The following ATP13A4 variants were observed in gnomAD, a reference collection of about 807,000 sequenced individuals.
The protein encoded by ATP13A4 is ATPase 13A4.
In ATP13A4, 114 loss-of-function variants were observed where a neutral mutation model predicts 142.5. The observed-to-expected ratio is 0.80, with a 90% CI of 0.69 to 0.93. The LOEUF is 0.93. Ranked by LOEUF, ATP13A4 falls within the 40% of genes least tolerant of loss-of-function variation. The pLI is 0.00. For synonymous variants in ATP13A4, 488 were observed against 514.8 expected (o/e 0.95, Z 0.70); for missense variants, 1,392 against 1,454.0 (o/e 0.96, Z 0.69).
At chr3:193,431,459 A>T (rs1456621115) in intron 25 of ATP13A4, among the ~76,000 whole-genome samples, 1 of 152,026 alleles carries the variant, frequency 6.6e-6, no homozygotes, top group Non-Finnish European at 1.5e-5. Context: ...GCTGGTTGAG[A>T]TTACTTATGG....
rs111779611 is a variant in ATP13A4, at chr3:193,461,803, G to GT, written c.1523+958dup. On this transcript the variant is annotated intron_variant, in intron 13 of 29. Coordinates refer to ENST00000342695, the MANE Select transcript of ATP13A4 (RefSeq NM_032279.4). Reference sequence around the variant, plus strand: ...TGTTCTGATTCCACGGGAGTTCGTAGTGAGTTGAAAAAGCGGGCAGAGACG... The same window carrying GT: ...TGTTCTGATTCCACGGGAGTTCGTAGTTGAGTTGAAAAAGCGGGCAGAGACG... Among the ~76,000 whole-genome samples, 1,091 of 152,328 alleles carry GT rather than the reference G, an allele frequency of 7.2e-3. 12 individuals are homozygous for GT. The highest frequency in any genetic ancestry group is 0.025 in the African/African-American group (1,030 of 41,568).
Position 193,466,048 on chromosome 3 carries a change from G to A in ATP13A4, c.1249C>T (p.Leu417=). Residue 417 remains leucine (L), a synonymous_variant, in exon 11 of 30, where the codon CTG becomes TTG. Coordinates refer to ENST00000342695, the MANE Select transcript of ATP13A4 (RefSeq NM_032279.4). ...ACCCCACTAAGCACATAGACACACA[G>A]AGTATAGATCATCCCAATGGTGGCT... ...GTATIGMIYT[L]CVYVLSGEPP... 2.5e-6 allele frequency: 4 copies of A among 1,614,138 alleles called. No individual in the cohort carries two copies. Among genetic ancestry groups the A allele is most frequent in the Non-Finnish European group, 3.4e-6 (4 of 1,180,022 alleles).
chr3:193,511,642 CT>C (rs1410332237), intron 2 of ATP13A4, among the ~76,000 whole-genome samples: 1 of 152,176 alleles, frequency 6.6e-6, no homozygotes, highest in Non-Finnish European at 1.5e-5. Context: ...TTGCAAATGC[CT>C]TTTACATAGA....
chr3:193,430,589 T>G (rs535614203), intron 25 of ATP13A4, among the ~76,000 whole-genome samples: 1 of 152,164 alleles, frequency 6.6e-6, no homozygotes, highest in East Asian at 1.9e-4. Context: ...AGCTCAAATA[T>G]GAATAATGAA....
In ATP13A4 at chr3:193,552,805, G is replaced by C. The variant is rs556904895; in HGVS notation, c.60+1935C>G. ...ATGCAACCTTAGGGAAAGCCTGTGTGCATCAATTTCCTCATCTTTAAAGTT... is the reference window on the plus strand; with the variant it reads ...ATGCAACCTTAGGGAAAGCCTGTGTCCATCAATTTCCTCATCTTTAAAGTT... On this transcript the variant is annotated intron_variant, in intron 1 of 29. Coordinates refer to ENST00000342695, the MANE Select transcript of ATP13A4 (RefSeq NM_032279.4). 4.6e-5 allele frequency among the ~76,000 whole-genome samples: 7 copies of C among 152,320 alleles called. No homozygotes were observed. The East Asian group carries it at 1.3e-3, about 29-fold the overall frequency.
At chr3:193,428,429 T>C (rs890138374) in intron 25 of ATP13A4, among the ~76,000 whole-genome samples, 13 of 152,094 alleles carry the variant, frequency 8.5e-5, no homozygotes, top group African/African-American at 3.1e-4. Flanking sequence ...GACCCAGCCA[T>C]CCCATTACTG....
intron 3 of ATP13A4, among the ~76,000 whole-genome samples, chr3:193,493,705 T>G (rs1031893594): frequency 2.6e-5 from 4 of 152,166 alleles, no homozygotes; most frequent in African/African-American, 4.8e-5. Flanking sequence ...CACGCCTGTT[T>G]GTAGAATGAA....
rs543174309 is a variant in ATP13A4, at chr3:193,454,278, C to A, written c.1916-66G>T. The A allele has an allele frequency of 7.2e-4, 885 of 1,222,508 alleles. 5 individuals are homozygous for A. Among genetic ancestry groups the A allele is most frequent in the South Asian group, 1.7e-3 (141 of 82,100 alleles). 75.7% of individuals were successfully genotyped at this position (1,222,508 alleles called of 1,614,324 possible). A position where few individuals can be genotyped will look rare whatever the true frequency, so the allele number is the denominator to read the frequency against. On this transcript the variant is annotated intron_variant, in intron 16 of 29. Coordinates refer to ENST00000342695, the MANE Select transcript of ATP13A4 (RefSeq NM_032279.4). The stretch of plus-strand genomic sequence containing the variant: ...CTTAGGCAGTACTGGCAAAGAAATT[C>A]TTTACAAACATCCAACTTTTGCCCA...
chr3:193,540,844 A>G (rs566697666), intron 1 of ATP13A4, among the ~76,000 whole-genome samples: 10 of 152,352 alleles, frequency 6.6e-5, no homozygotes, highest in African/African-American at 2.2e-4. Context: ...TACATCAAGC[A>G]AAATACTAAT....
At chr3:193,422,835 A>G (rs1018471915) in intron 25 of ATP13A4, among the ~76,000 whole-genome samples, 3 of 149,676 alleles carry the variant, frequency 2.0e-5, no homozygotes, top group Non-Finnish European at 4.4e-5. Flanking sequence ...AACAACAACA[A>G]ACTAAACCCA....
intron 1 of ATP13A4, among the ~76,000 whole-genome samples, chr3:193,535,512 C>T (rs1186799638): frequency 6.6e-6 from 1 of 151,938 alleles, no homozygotes; most frequent in Non-Finnish European, 1.5e-5. Flanking sequence ...CACGGTATAT[C>T]AAAATTTGTG....
chr3:193,555,263 T>C, upstream of ATP13A4: 1 of 257,374 alleles, frequency 3.9e-6, no homozygotes, highest in Non-Finnish European at 7.7e-6. Flanking sequence ...AGGAATTGGG[T>C]TGAGCGGAAG....
upstream of ATP13A4, among the ~76,000 whole-genome samples, chr3:193,556,999 T>C (rs1279226591): frequency 1.3e-5 from 2 of 152,212 alleles, no homozygotes; most frequent in African/African-American, 4.8e-5. Flanking sequence ...TGTTTATCAC[T>C]GGCAATATTT....
intron 2 of ATP13A4, among the ~76,000 whole-genome samples, chr3:193,510,429 G>A (rs1721082730): frequency 6.6e-6 from 1 of 152,152 alleles, no homozygotes; most frequent in South Asian, 2.1e-4. Flanking sequence ...CGATGACAAT[G>A]AGGGGGAAAA....
intron 23 of ATP13A4, among the ~76,000 whole-genome samples, chr3:193,438,212 T>C (rs1326512152): frequency 6.6e-6 from 1 of 152,174 alleles, no homozygotes; most frequent in Non-Finnish European, 1.5e-5. Context: ...GATTGACACT[T>C]TCAAAGCAAT....
In ATP13A4 at chr3:193,531,350, G is replaced by A. The variant is rs1229953121; in HGVS notation, c.61-16479C>T. ...AGGAAGGAAGGAAGGGAGGAAGAGA[G>A]GGAGGGAGGAGGGAGGGAGGGAGGA... On this transcript the variant is annotated intron_variant, in intron 1 of 29. Coordinates refer to ENST00000342695, the MANE Select transcript of ATP13A4 (RefSeq NM_032279.4). Among the ~76,000 whole-genome samples, 7 of 117,258 alleles carry A rather than the reference G, an allele frequency of 6.0e-5. No homozygotes were observed. The East Asian group carries it at 1.9e-3, about 32-fold the overall frequency. 76.9% of individuals were successfully genotyped at this position (117,258 alleles called of 152,430 possible).
intron 16 of ATP13A4, among the ~76,000 whole-genome samples, chr3:193,454,527 A>AGAATAAAT (rs1289788802): frequency 3.3e-5 from 5 of 152,166 alleles, no homozygotes; most frequent in Non-Finnish European, 2.9e-5. Flanking sequence ...GGCTATGCAG[A>AGAATAAAT]GAATAAATCA....
chr3:193,573,311 A>G (rs1178578390), intron 2 of ATP13A4, among the ~76,000 whole-genome samples: 12 of 137,544 alleles, frequency 8.7e-5, no homozygotes, highest in African/African-American at 3.4e-4. Context: ...ATATATACAT[A>G]TATATATATA....
chr3:193,429,061 T>C (rs1195650014), intron 25 of ATP13A4, among the ~76,000 whole-genome samples: 2 of 152,108 alleles, frequency 1.3e-5, no homozygotes, highest in Non-Finnish European at 2.9e-5. Flanking sequence ...ATATGTTCAC[T>C]ATTATTAGTC....
Sources: allele counts gnomAD v4.1 joint callset (sites outside exome capture counted in the v4.1 genomes callset), GRCh38; gene constraint gnomAD v4.1.1; transcripts MANE v1.5; gene names NCBI Gene and HGNC (gene_info 2026-07-23, HGNC 2026-07-21).